The following METAP1D variants were observed in gnomAD, a reference collection of about 807,000 sequenced individuals.
The protein encoded by METAP1D is methionyl aminopeptidase type 1D, mitochondrial.
METAP1D carries 31 observed loss-of-function variants against 40.5 expected under a neutral mutation model. The ratio of observed to expected loss-of-function variants is 0.77; its 90% CI spans 0.58 to 1.03. The LOEUF (loss-of-function observed/expected upper bound fraction) is 1.03, where lower values mean the gene tolerates loss of function less well. Among genes scored for constraint, METAP1D ranks in the 50% least tolerant of loss-of-function variants. The pLI, the probability that METAP1D is intolerant of heterozygous loss-of-function variation, is 0.00. For missense variants in METAP1D, 411 were observed against 420.7 expected (o/e 0.98, Z 0.20); for synonymous variants, 151 against 146.4 (o/e 1.03, Z -0.22).
chr2:172,052,783 G>T (rs1689913301), intron 1 of METAP1D, among the ~76,000 whole-genome samples: 1 of 152,204 alleles, frequency 6.6e-6, no homozygotes, highest in Admixed American at 6.5e-5. Context: ...GGAATTGGGG[G>T]AGTTCCTTGT....
intron 6 of METAP1D, among the ~76,000 whole-genome samples, chr2:172,074,003 G>A (rs1009270576): frequency 2.6e-5 from 4 of 152,168 alleles, no homozygotes; most frequent in Non-Finnish European, 5.9e-5. Context: ...CAGCTAAAAT[G>A]TTTTAATGGA....
intron 1 of METAP1D, among the ~76,000 whole-genome samples, chr2:172,034,317 T>A (rs1574107414): frequency 6.6e-6 from 1 of 152,160 alleles, no homozygotes; most frequent in East Asian, 1.9e-4. Flanking sequence ...ATAAAAAGTT[T>A]TTAAAATAGG....
At chr2:172,009,221 T>C (rs1422372300) in intron 1 of METAP1D, among the ~76,000 whole-genome samples, 1 of 151,716 alleles carries the variant, frequency 6.6e-6, no homozygotes, top group Non-Finnish European at 1.5e-5. Flanking sequence ...TTTTTGTATT[T>C]TTTAGTAGCG....
At chr2:172,053,450 A>G (rs1384139447) in intron 1 of METAP1D, among the ~76,000 whole-genome samples, 1 of 152,222 alleles carries the variant, frequency 6.6e-6, no homozygotes, top group Non-Finnish European at 1.5e-5. Context: ...TAAGCAAATC[A>G]TTTGGTTTAA....
chr2:172,045,796 T>C (rs1043163708), intron 1 of METAP1D, among the ~76,000 whole-genome samples: 1 of 12,564 alleles, frequency 8.0e-5, no homozygotes, highest in African/African-American at 2.2e-4. Flanking sequence ...TATATGTATA[T>C]ATGTGTGTGT....
At chr2:172,045,716 T>TGTGTGTGTGG (rs1689726134) in intron 1 of METAP1D, among the ~76,000 whole-genome samples, 1 of 87,702 alleles carries the variant, frequency 1.1e-5, no homozygotes, top group Non-Finnish European at 2.7e-5. Context: ...TGTGTGTGTG[T>TGTGTGTGTGG]GTGTGTGTGT....
intron 1 of METAP1D, among the ~76,000 whole-genome samples, chr2:172,033,026 T>G (rs1689274985): frequency 6.6e-6 from 1 of 151,712 alleles, no homozygotes; most frequent in South Asian, 2.1e-4. Context: ...ACCACTGCAC[T>G]CCAGCCTGGG....
intron 1 of METAP1D, among the ~76,000 whole-genome samples, chr2:172,046,903 A>G (rs1329196506): frequency 6.6e-6 from 1 of 152,244 alleles, no homozygotes; most frequent in Non-Finnish European, 1.5e-5. Context: ...TTGCACAGTG[A>G]TTAAATAAAT....
rs566977494 is a variant in METAP1D at position 172,034,000 on chromosome 2, C to T, written c.41-27498C>T. On this transcript the variant is annotated intron_variant, in intron 1 of 9. Transcript: ENST00000315796. ...GCTGAGGTAGGAAAATCACTTGAAC[C>T]CAGGAGGCGGAGGTTGCGGCGAGTG... 4.2e-4 allele frequency among the ~76,000 whole-genome samples: 63 copies of T among 150,534 alleles called. 2 individuals are homozygous for T. The highest frequency in any genetic ancestry group is 1.5e-3 in the African/African-American group (61 of 40,962).
intron 1 of METAP1D, among the ~76,000 whole-genome samples, chr2:172,024,172 C>G (rs1689068659): frequency 6.6e-6 from 1 of 152,028 alleles, no homozygotes; most frequent in African/African-American, 2.4e-5. Context: ...TTGTAAAATT[C>G]TTTCAGCTTT....
At chr2:172,049,815 A>G (rs549739547) in intron 1 of METAP1D, among the ~76,000 whole-genome samples, 5 of 152,306 alleles carry the variant, frequency 3.3e-5, no homozygotes, top group East Asian at 1.9e-4. Context: ...TTCCTGAAGC[A>G]TTAGCTTTCT....
intron 1 of METAP1D, among the ~76,000 whole-genome samples, chr2:172,017,902 G>C (rs566960657): frequency 6.6e-6 from 1 of 152,088 alleles, no homozygotes; most frequent in African/African-American, 2.4e-5. Flanking sequence ...GCTGAGGCGG[G>C]TGAATCACGA....
In METAP1D at chr2:172,043,109, A is replaced by T. The variant is rs1346754113; in HGVS notation, c.41-18389A>T. On this transcript the variant is annotated intron_variant, in intron 1 of 9. Transcript: ENST00000315796. ...TATATTTACATACATATATATATAT[A>T]TATATATATTTTTTGGGATACAGGA... Among the ~76,000 whole-genome samples, 4 of 23,770 alleles carry T rather than the reference A, an allele frequency of 1.7e-4. 1 individual carries two copies. The highest frequency in any genetic ancestry group is 6.4e-4 in the African/African-American group (3 of 4,680). The allele number at this position is 23,770 out of a possible 152,430, so 15.6% of individuals were successfully genotyped here. A position where few individuals can be genotyped will look rare whatever the true frequency, so the allele number is the denominator to read the frequency against.
At chr2:172,021,575 G>T (rs1276164683) in intron 1 of METAP1D, among the ~76,000 whole-genome samples, 1 of 152,166 alleles carries the variant, frequency 6.6e-6, no homozygotes, top group Non-Finnish European at 1.5e-5. Context: ...CAGTTCCTGT[G>T]GGGTGTTTAC....
At chr2:172,023,493 G>A (rs1574098947) in intron 1 of METAP1D, among the ~76,000 whole-genome samples, 5 of 152,178 alleles carry the variant, frequency 3.3e-5, no homozygotes, top group Admixed American at 2.6e-4. Context: ...AGATTTGCTT[G>A]GAAGGGAGGA....
chr2:172,050,794 A>G (rs1293811965), intron 1 of METAP1D, among the ~76,000 whole-genome samples: 2 of 152,224 alleles, frequency 1.3e-5, no homozygotes, highest in African/African-American at 4.8e-5. Flanking sequence ...TTTAAATGAT[A>G]TTAAGGCATC....
intron 3 of METAP1D, 87 bp downstream of exon 3, chr2:172,063,947 G>GTTTTAAAT: frequency 7.3e-7 from 1 of 1,363,134 alleles, no homozygotes; most frequent in East Asian, 2.7e-5. Flanking sequence ...CTTCTTTTAG[G>GTTTTAAAT]TTGACATCTA....
At chr2:172,057,031 C>T (rs1046222614) in intron 1 of METAP1D, among the ~76,000 whole-genome samples, 1 of 152,122 alleles carries the variant, frequency 6.6e-6, no homozygotes, top group African/African-American at 2.4e-5. Context: ...AACACACTAG[C>T]GAATAGAACT....
At chr2:172,078,677 C>T (rs527478276) in intron 7 of METAP1D, among the ~76,000 whole-genome samples, 57 of 152,352 alleles carry the variant, frequency 3.7e-4, no homozygotes, top group Middle Eastern at 3.4e-3. Context: ...AAAGAGCCCC[C>T]ACCTAGGCAG....
Sources: allele counts gnomAD v4.1 joint callset (sites outside exome capture counted in the v4.1 genomes callset), GRCh38; gene constraint gnomAD v4.1.1; transcripts MANE v1.5; gene names NCBI Gene and HGNC (gene_info 2026-07-23, HGNC 2026-07-21).